The following ZDHHC14 variants were observed in gnomAD, a reference collection of about 807,000 sequenced individuals.
ZDHHC14 encodes the protein zDHHC palmitoyltransferase 14.
Under a neutral mutation model 47.7 loss-of-function variants are expected in ZDHHC14, and 16 were observed. That is an observed-to-expected ratio of 0.34 (90% CI 0.23 to 0.51). The LOEUF is 0.51. Among genes scored for constraint, ZDHHC14 ranks in the 20% least tolerant of loss-of-function variants. The probability of loss-of-function intolerance (pLI) is 0.97; values close to 1 mark genes in which losing one functional copy is unlikely to be tolerated. For missense variants in ZDHHC14, 515 were observed against 662.5 expected, an observed-to-expected ratio of 0.78 and a Z score of 2.44; for synonymous variants, 293 against 278.9, an observed-to-expected ratio of 1.05 and a Z score of -0.50.
chr6:157,500,293 G>C (rs1780165715), intron 1 of ZDHHC14, among the ~76,000 whole-genome samples: 1 of 152,218 alleles, frequency 6.6e-6, no homozygotes, highest in African/African-American at 2.4e-5. Context: ...GTGCAGTGGA[G>C]AACAAGAGAG....
chr6:157,499,355 T>A (rs960903114), intron 1 of ZDHHC14, among the ~76,000 whole-genome samples: 2 of 152,138 alleles, frequency 1.3e-5, no homozygotes, highest in Non-Finnish European at 2.9e-5. Flanking sequence ...GGGTGGTGCC[T>A]TCTCCTTGTG....
rs544605352 is a variant in ZDHHC14, at chr6:157,417,940, C to T, written c.245+35674C>T. Among the ~76,000 whole-genome samples, 368 of 144,184 alleles carry T rather than the reference C, an allele frequency of 2.6e-3. 1 individual carries two copies. Among genetic ancestry groups the T allele is most frequent in the Admixed American group, 5.4e-3 (74 of 13,790 alleles). 94.6% of individuals were successfully genotyped at this position (144,184 alleles called of 152,430 possible). On this transcript the variant is annotated intron_variant, in intron 1 of 8. Coordinates refer to ENST00000359775, the MANE Select transcript of ZDHHC14 (RefSeq NM_024630.3). Reference sequence around the variant, plus strand: ...CTGCACTCCAGCCTGGGCGACAGAGCGAGAGTCCATCTCAAAAAAAAAAAA... The same window carrying T: ...CTGCACTCCAGCCTGGGCGACAGAGTGAGAGTCCATCTCAAAAAAAAAAAA...
chr6:157,433,581 A>G (rs35934542), intron 1 of ZDHHC14, among the ~76,000 whole-genome samples: 37,464 of 152,088 alleles, frequency 0.25, 4,689 homozygotes, highest in East Asian at 0.34. Flanking sequence ...TGTCCTGGTT[A>G]CAACGGGAGG....
intron 1 of ZDHHC14, among the ~76,000 whole-genome samples, chr6:157,484,733 AAAAAAT>A (rs888493181): frequency 1.4e-4 from 22 of 152,014 alleles, no homozygotes; most frequent in Non-Finnish European, 3.2e-4. Flanking sequence ...GTTTTTCTTA[AAAAAAT>A]AAAAATAAAA....
chr6:157,621,287 T>C (rs2114938846), intron 3 of ZDHHC14, among the ~76,000 whole-genome samples: 1 of 152,270 alleles, frequency 6.6e-6, no homozygotes, highest in Admixed American at 6.5e-5. Flanking sequence ...CTTTCGTCTT[T>C]CTAAACAACA....
intron 2 of ZDHHC14, among the ~76,000 whole-genome samples, chr6:157,581,201 G>GT (rs34226416): frequency 0.65 from 97,907 of 151,680 alleles, 32,624 homozygotes; most frequent in African/African-American, 0.82. Flanking sequence ...TCAGGAACAG[G>GT]TGTTTAATTT....
chr6:157,672,670 C>G, intron 8 of ZDHHC14, 54 bp from the exon 9 acceptor site: 1 of 1,557,884 alleles, frequency 6.4e-7, no homozygotes, highest in Admixed American at 1.8e-5. Flanking sequence ...TGTCCCTCCC[C>G]ACCTCTGCCC....
intron 1 of ZDHHC14, among the ~76,000 whole-genome samples, chr6:157,473,474 G>T (rs562145928): frequency 2.6e-5 from 4 of 152,262 alleles, no homozygotes; most frequent in Admixed American, 6.5e-5. Context: ...CACCTGTGTC[G>T]TTGCAAATAA....
intron 2 of ZDHHC14, among the ~76,000 whole-genome samples, chr6:157,554,949 C>A (rs1175646399): frequency 1.3e-5 from 2 of 152,224 alleles, no homozygotes; most frequent in African/African-American, 4.8e-5. Context: ...GGTGCCTGCA[C>A]CCCTGTGTGT....
At chr6:157,457,373 G>C (rs1302129766) in intron 1 of ZDHHC14, among the ~76,000 whole-genome samples, 1 of 152,080 alleles carries the variant, frequency 6.6e-6, no homozygotes, top group African/African-American at 2.4e-5. Context: ...TCTGTTTTGT[G>C]ATCATTTGGG....
chr6:157,455,975 GAA>G (rs760732442), intron 1 of ZDHHC14, among the ~76,000 whole-genome samples: 33 of 152,304 alleles, frequency 2.2e-4, no homozygotes, highest in Non-Finnish European at 4.3e-4. Context: ...GTGGGGGAAA[GAA>G]GAGAATTATC....
chr6:157,592,781 C>T (rs1172117167), intron 2 of ZDHHC14: 2 of 1,379,936 alleles, frequency 1.4e-6, no homozygotes, highest in Non-Finnish European at 9.4e-7. Flanking sequence ...AGCTCAGTCA[C>T]GTGGCCCCTG....
chr6:157,393,440 T>C (rs1224529099), intron 1 of ZDHHC14, among the ~76,000 whole-genome samples: 1 of 152,198 alleles, frequency 6.6e-6, no homozygotes, highest in Non-Finnish European at 1.5e-5. Context: ...TCAATAAGTC[T>C]GCTATCTTTT....
chr6:157,439,802 A>G (rs1293378140), intron 1 of ZDHHC14, among the ~76,000 whole-genome samples: 2 of 152,252 alleles, frequency 1.3e-5, no homozygotes. Flanking sequence ...AATGTGGTGC[A>G]TATATACCAT....
intron 1 of ZDHHC14, among the ~76,000 whole-genome samples, chr6:157,493,795 A>G (rs1779987059): frequency 6.6e-6 from 1 of 152,334 alleles, no homozygotes; most frequent in Non-Finnish European, 1.5e-5. Flanking sequence ...GTAGGCCGGC[A>G]CACACAGGTG....
intron 2 of ZDHHC14, among the ~76,000 whole-genome samples, chr6:157,558,008 T>C (rs537158912): frequency 6.6e-6 from 1 of 152,376 alleles, no homozygotes; most frequent in Admixed American, 6.5e-5. Flanking sequence ...CACTGTATAA[T>C]AGTAAAAAGA....
Position 157,673,277 on chromosome 6 carries a change from G to C in ZDHHC14, c.*155G>C. 6.9e-6 allele frequency: 7 copies of C among 1,017,738 alleles called. No individual in the cohort carries two copies. Among genetic ancestry groups the C allele is most frequent in the Non-Finnish European group, 9.4e-6 (7 of 746,278 alleles). The allele number at this position is 1,017,738 out of a possible 1,614,324, so 63.0% of individuals were successfully genotyped here. A position where few individuals can be genotyped will look rare whatever the true frequency, so the allele number is the denominator to read the frequency against. On this transcript the variant is annotated 3_prime_UTR_variant, in exon 9 of 9. Coordinates refer to ENST00000359775, the MANE Select transcript of ZDHHC14 (RefSeq NM_024630.3). The surrounding 1 kb of genome is among the most constrained non-coding windows in gnomAD (Gnocchi z 5.4). The stretch of plus-strand genomic sequence containing the variant: ...ACAGAGACCACTTAGGATGGCACAG[G>C]GTGGCTGGCCCCGGATGCTGAGAGC...
At chr6:157,618,731 G>C (rs1785066228) in intron 3 of ZDHHC14, among the ~76,000 whole-genome samples, 1 of 152,162 alleles carries the variant, frequency 6.6e-6, no homozygotes, top group Non-Finnish European at 1.5e-5. Flanking sequence ...GCAAATAGGA[G>C]AGTGCTGGGT....
chr6:157,670,713 A>G (rs1258903788), intron 8 of ZDHHC14, among the ~76,000 whole-genome samples: 2 of 152,042 alleles, frequency 1.3e-5, no homozygotes, highest in East Asian at 1.9e-4. Flanking sequence ...AGTGTTTTGC[A>G]ATTGCACTGT....
Sources: allele counts gnomAD v4.1 joint callset (sites outside exome capture counted in the v4.1 genomes callset), GRCh38; gene constraint gnomAD v4.1.1; non-coding constraint Gnocchi (gnomAD v3.1); transcripts MANE v1.5; gene names NCBI Gene and HGNC (gene_info 2026-07-23, HGNC 2026-07-21).